BMPR2: variants seen among roughly 807,000 people sequenced by gnomAD.
BMPR2 encodes the protein bone morphogenetic protein receptor type-2.
BMPR2 carries 29 observed loss-of-function variants against 100.8 expected under a neutral mutation model. The observed-to-expected ratio is 0.29, with a 90% CI of 0.21 to 0.39. The LOEUF (loss-of-function observed/expected upper bound fraction) is 0.39, where lower values mean the gene tolerates loss of function less well. BMPR2 is among the 10% of genes least tolerant of loss of function. The probability of loss-of-function intolerance (pLI) is 1.00; values close to 1 mark genes in which losing one functional copy is unlikely to be tolerated. For synonymous variants in BMPR2, 382 were observed against 442.3 expected (o/e 0.86, Z 1.71); for missense variants, 1,011 against 1,274.5 (o/e 0.79, Z 3.15).
chr2:202,451,710 C>CA (rs953953129), intron 1 of BMPR2, among the ~76,000 whole-genome samples: 22 of 151,986 alleles, frequency 1.4e-4, no homozygotes, highest in African/African-American at 5.3e-4. Flanking sequence ...AAAACAACAA[C>CA]AAAAAACTAC....
intron 1 of BMPR2, among the ~76,000 whole-genome samples, chr2:202,454,328 C>T (rs1408478398): frequency 6.6e-6 from 1 of 152,146 alleles, no homozygotes; most frequent in Non-Finnish European, 1.5e-5. Context: ...ACCTTGGCCT[C>T]CCAAAGTGCT....
In BMPR2 at chr2:202,467,218, G is replaced by A. The variant is rs893597782; in HGVS notation, c.248-301G>A. Among the ~76,000 whole-genome samples the A allele has an allele frequency of 2.0e-5, 3 of 152,152 alleles. No individual in the cohort carries two copies. In the East Asian group the frequency reaches 5.8e-4, roughly 29 times the overall value. On this transcript the variant is annotated intron_variant, in intron 2 of 12. Coordinates refer to ENST00000374580, the MANE Select transcript of BMPR2 (RefSeq NM_001204.7). ...GTGGAGATTGCAGTGAGCTGAGATC[G>A]TGCCATTGCACTCTAGCCTGGGCAA...
chr2:202,556,074 A>G lies in BMPR2; in HGVS notation c.2409A>G (p.Thr803=), dbSNP rs1358520833. ...TINAAEPHVV[T]VTMNGVAGRN... is the part of the protein sequence containing the mutation. ...ATGCAGCAGAACCTCATGTGGTGACAGTCACCATGAATGGTGTGGCAGGTA... is the reference window on the plus strand; with the variant it reads ...ATGCAGCAGAACCTCATGTGGTGACGGTCACCATGAATGGTGTGGCAGGTA... Residue 803 remains threonine (T), a synonymous_variant, in exon 12 of 13, where the codon ACA becomes ACG. Coordinates refer to ENST00000374580, the MANE Select transcript of BMPR2 (RefSeq NM_001204.7). 3 of 1,614,232 alleles carry G rather than the reference A, an allele frequency of 1.9e-6. No individual in the cohort carries two copies. Among genetic ancestry groups the G allele is most frequent in the Non-Finnish European group, 2.5e-6 (3 of 1,180,050 alleles).
chr2:202,382,850 A>C lies in BMPR2; in HGVS notation c.76+5300A>C, dbSNP rs558571533. Among the ~76,000 whole-genome samples, 139 of 152,258 alleles carry C rather than the reference A, an allele frequency of 9.1e-4. 1 individual carries two copies. The highest frequency in any genetic ancestry group is 3.2e-3 in the African/African-American group (131 of 41,562). On this transcript the variant is annotated intron_variant, in intron 1 of 12. Coordinates refer to ENST00000374580, the MANE Select transcript of BMPR2 (RefSeq NM_001204.7). The stretch of plus-strand genomic sequence containing the variant: ...TATGGGGTTGTACTTGATCATTTTG[A>C]AATACAGATTCATGGGTACCCCACT...
chr2:202,518,610 C>G (rs1193119631), intron 5 of BMPR2, among the ~76,000 whole-genome samples: 1 of 151,954 alleles, frequency 6.6e-6, no homozygotes, highest in Non-Finnish European at 1.5e-5. Context: ...TAAATTTTGT[C>G]CAGCATTTAT....
chr2:202,426,781 G>A (rs1459457095), intron 1 of BMPR2, among the ~76,000 whole-genome samples: 1 of 151,986 alleles, frequency 6.6e-6, no homozygotes, highest in Non-Finnish European at 1.5e-5. Flanking sequence ...ACTCAGGAGG[G>A]TGAGGCAGAA....
intron 1 of BMPR2, 146 bp downstream of exon 1, chr2:202,377,696 C>T (rs984057804): frequency 5.4e-5 from 49 of 914,646 alleles, no homozygotes; most frequent in Non-Finnish European, 8.1e-5. Context: ...TGCCTGCGCG[C>T]CTGCCCCATG....
At position 202,514,197 on chromosome 2, in the gene BMPR2, G is replaced by A. The variant is rs573379861; in HGVS notation, c.529+368G>A. Among the ~76,000 whole-genome samples the A allele has an allele frequency of 4.6e-5, 7 of 152,002 alleles. No individual in the cohort carries two copies. In the South Asian group the frequency reaches 8.3e-4, roughly 18 times the overall value. On this transcript the variant is annotated intron_variant, in intron 4 of 12. Transcript: ENST00000374580. ...GTCGCCCAGGTTGGAGTGCAGTGGC[G>A]CGATCTCGGCTCACTGCAGGCTCCG... is the stretch of plus-strand genomic sequence containing the variant.
chr2:202,380,916 G>C (rs1559019468), intron 1 of BMPR2, among the ~76,000 whole-genome samples: 1 of 60,752 alleles, frequency 1.6e-5, no homozygotes, highest in African/African-American at 1.1e-4. Context: ...ACTGTGCCTG[G>C]CCCTGGCCCT....
rs1369816863 is a variant in BMPR2, at chr2:202,495,082, G to A, written c.419-18637G>A. Among the ~76,000 whole-genome samples, 4 of 152,212 alleles carry A rather than the reference G, an allele frequency of 2.6e-5. No individual in the cohort carries two copies. The highest frequency in any genetic ancestry group is 4.8e-5 in the African/African-American group (2 of 41,452). On this transcript the variant is annotated intron_variant, in intron 3 of 12. Transcript: ENST00000374580. This position sits in a 1 kb window ranked among gnomAD's most constrained non-coding sequence, Gnocchi z 4.5. Reference sequence around the variant, plus strand: ...AATGTTTACAGCTCCTGAATCCGCAGTGGGCGTGTGTTACAGGGTGCTCTT... The same window carrying A: ...AATGTTTACAGCTCCTGAATCCGCAATGGGCGTGTGTTACAGGGTGCTCTT...
intron 1 of BMPR2, among the ~76,000 whole-genome samples, chr2:202,418,421 A>C (rs1265339093): frequency 6.6e-6 from 1 of 152,230 alleles, no homozygotes; most frequent in Non-Finnish European, 1.5e-5. Flanking sequence ...AAAAAGACTC[A>C]AACTCTGTAA....
At chr2:202,494,748 A>G (rs554697908) in intron 3 of BMPR2, among the ~76,000 whole-genome samples, 1 of 152,256 alleles carries the variant, frequency 6.6e-6, no homozygotes, top group Non-Finnish European at 1.5e-5. Flanking sequence ...TAGACAACAA[A>G]AAATAGGAGT....
chr2:202,552,818 A>G lies in BMPR2; in HGVS notation c.1516A>G (p.Met506Val), dbSNP rs370457339. The change falls in exon 11 of 13, where the codon ATG becomes GTG. Residue 506 changes from methionine to valine, a missense_variant. Around this residue, in one of 6 missense-constraint regions of BMPR2, gnomAD observed 83 missense variants for 140.7 expected, o/e 0.59. Transcript: ENST00000374580. Reference sequence around the variant, plus strand: ...TGAGGAAAGGATGGCTGAACTTATGATGATTTGGGAAAGAAACAAATCTGT... The same window carrying G: ...TGAGGAAAGGATGGCTGAACTTATGGTGATTTGGGAAAGAAACAAATCTGT... ...CAEERMAELM[M>V]IWERNKSVSP... is the part of the protein sequence containing the mutation. 2.1e-5 allele frequency: 34 copies of G among 1,614,224 alleles called. No homozygotes were observed. The highest frequency in any genetic ancestry group is 1.6e-4 in the East Asian group (7 of 44,880).
At chr2:202,519,102 C>T (rs375336994) in intron 6 of BMPR2, 50 bp downstream of exon 6, 1 of 1,571,692 alleles carries the variant, frequency 6.4e-7, no homozygotes, top group African/African-American at 1.4e-5. Flanking sequence ...TGGCTTATGC[C>T]TGTAATCCCA....
chr2:202,557,524 G>T (rs1284159271), intron 12 of BMPR2, among the ~76,000 whole-genome samples: 4 of 147,282 alleles, frequency 2.7e-5, no homozygotes, highest in African/African-American at 1.0e-4. Context: ...CAAATTAGCT[G>T]GGTGTGGTGG....
At chr2:202,534,825 C>CGGACG (rs1439199338) in intron 9 of BMPR2, among the ~76,000 whole-genome samples, 1 of 151,736 alleles carries the variant, frequency 6.6e-6, no homozygotes, top group East Asian at 1.9e-4. Context: ...CCTCACCTCC[C>CGGACG]GGACGGGGCG....
intron 1 of BMPR2, 84 bp downstream of exon 1, chr2:202,377,634 T>A (rs1007414813): frequency 6.7e-7 from 1 of 1,500,784 alleles, no homozygotes; most frequent in African/African-American, 1.4e-5. Flanking sequence ...GGCCTGTGCT[T>A]GCCCTTCGCC....
chr2:202,491,897 C>A (rs1437146027), intron 3 of BMPR2, among the ~76,000 whole-genome samples: 1 of 152,098 alleles, frequency 6.6e-6, no homozygotes, highest in East Asian at 1.9e-4. Context: ...AGGAATTACA[C>A]ACAATGTTCT....
intron 1 of BMPR2, among the ~76,000 whole-genome samples, chr2:202,399,823 A>G (rs182695675): frequency 3.0e-4 from 46 of 152,326 alleles, no homozygotes; most frequent in African/African-American, 1.1e-3. Context: ...TAGAGTGTAT[A>G]GTTGAGTGCT....
Sources: allele counts gnomAD v4.1 joint callset (sites outside exome capture counted in the v4.1 genomes callset), GRCh38; gene constraint gnomAD v4.1.1; regional missense constraint gnomAD v4.1.1; non-coding constraint Gnocchi (gnomAD v3.1); transcripts MANE v1.5; gene names NCBI Gene and HGNC (gene_info 2026-07-23, HGNC 2026-07-21).